The following COL10A1 variants were observed in gnomAD, a reference collection of about 807,000 sequenced individuals.
COL10A1 encodes collagen type X alpha 1 chain, also known as collagen alpha-1(X) chain.
A neutral mutation model predicts 18.2 loss-of-function variants in COL10A1; 10 were observed. The observed-to-expected ratio is 0.55, with a 90% CI of 0.34 to 0.93. The LOEUF (loss-of-function observed/expected upper bound fraction) is 0.93. Ranked by LOEUF, COL10A1 falls within the 40% of genes least tolerant of loss-of-function variation. The probability of loss-of-function intolerance (pLI) is 0.02; values close to 1 mark genes in which losing one functional copy is unlikely to be tolerated. For synonymous variants in COL10A1, 330 were observed against 316.6 expected (o/e 1.04, Z -0.45); for missense variants, 897 against 853.5 (o/e 1.05, Z -0.64).
At chr6:116,180,389 A>G in the COL10A1 span, among the ~76,000 whole-genome samples, 1 of 152,078 alleles carries the variant, frequency 6.6e-6, no homozygotes, top group Non-Finnish European at 1.5e-5. Context: ...TTAAAAAATG[A>G]AAATGGAATG....
chr6:116,136,791 C>CTG (rs1402962729), intron 1 of COL10A1, among the ~76,000 whole-genome samples: 1 of 152,164 alleles, frequency 6.6e-6, no homozygotes, highest in Admixed American at 6.6e-5. Flanking sequence ...GGTTTGGAAT[C>CTG]TGTTACTCAG....
At chr6:116,177,590 A>G in the COL10A1 span, among the ~76,000 whole-genome samples, 1 of 152,186 alleles carries the variant, frequency 6.6e-6, no homozygotes, top group East Asian at 1.9e-4. Flanking sequence ...TAAAATATTA[A>G]CAGTTGCATT....
chr6:116,203,239 C>T, the COL10A1 span, among the ~76,000 whole-genome samples: 98 of 151,922 alleles, frequency 6.5e-4, 2 homozygotes, highest in South Asian at 0.02. Context: ...TGTTTTTATT[C>T]TATTTCTTGG....
the COL10A1 span, among the ~76,000 whole-genome samples, chr6:116,191,178 G>C: frequency 4.0e-5 from 6 of 151,784 alleles, no homozygotes; most frequent in Non-Finnish European, 8.8e-5. Context: ...TCTGGAAGTC[G>C]ATATCCTAAA....
At chr6:116,150,742 C>A (rs1780019039) in intron 1 of COL10A1, among the ~76,000 whole-genome samples, 1 of 152,090 alleles carries the variant, frequency 6.6e-6, no homozygotes, top group Non-Finnish European at 1.5e-5. Flanking sequence ...GCTATTATTG[C>A]TGTCTGTCAT....
chr6:116,138,899 A>T (rs1779692683), intron 1 of COL10A1, among the ~76,000 whole-genome samples: 1 of 152,158 alleles, frequency 6.6e-6, no homozygotes, highest in South Asian at 2.1e-4. Flanking sequence ...ATTTCCCCAT[A>T]AATCTTGATT....
At chr6:116,138,447 T>TTGG (rs1287216844) in intron 1 of COL10A1, among the ~76,000 whole-genome samples, 1 of 152,206 alleles carries the variant, frequency 6.6e-6, no homozygotes, top group Non-Finnish European at 1.5e-5. Context: ...CCATCTCAAA[T>TTGG]TGGTGAACAC....
chr6:116,182,233 G>GTGTGTGTGTGTGTGTA, the COL10A1 span, among the ~76,000 whole-genome samples: 649 of 151,620 alleles, frequency 4.3e-3, 5 homozygotes, highest in African/African-American at 0.014. Flanking sequence ...GTGTGTGTGT[G>GTGTGTGTGTGTGTGTA]TGTGTGTGTG....
chr6:116,171,198 C>A, the COL10A1 span, among the ~76,000 whole-genome samples: 2 of 152,108 alleles, frequency 1.3e-5, no homozygotes, highest in Admixed American at 1.3e-4. Context: ...ATTATTGTCA[C>A]CACTACCTTT....
At chr6:116,142,409 A>G (rs1779790397) in intron 1 of COL10A1, among the ~76,000 whole-genome samples, 1 of 152,146 alleles carries the variant, frequency 6.6e-6, no homozygotes, top group Non-Finnish European at 1.5e-5. Context: ...TTCATTTTTT[A>G]CATTTAATTA....
chr6:116,131,999 A>G (rs1779479052), intron 1 of COL10A1, among the ~76,000 whole-genome samples: 3 of 152,192 alleles, frequency 2.0e-5, no homozygotes. Flanking sequence ...TGCAAAGGAC[A>G]TTATCTTATT....
At chr6:116,203,378 C>G in the COL10A1 span, among the ~76,000 whole-genome samples, 1 of 151,924 alleles carries the variant, frequency 6.6e-6, no homozygotes, top group Non-Finnish European at 1.5e-5. Context: ...TCTTCATGCT[C>G]CCTTCTAGCC....
intron 1 of COL10A1, among the ~76,000 whole-genome samples, chr6:116,147,495 A>T (rs7764926): frequency 2.9e-3 from 445 of 152,208 alleles, no homozygotes; most frequent in African/African-American, 0.01. Context: ...AAAAATTTCC[A>T]ACTCATGTAA....
chr6:116,171,269 C>T, the COL10A1 span, among the ~76,000 whole-genome samples: 6,161 of 151,986 alleles, frequency 0.041, 191 homozygotes, highest in African/African-American at 0.083. Flanking sequence ...TATTATTTTA[C>T]GAAGAATACA....
At chr6:116,167,198 A>G in the COL10A1 span, among the ~76,000 whole-genome samples, 1 of 150,418 alleles carries the variant, frequency 6.6e-6, no homozygotes, top group Admixed American at 6.7e-5. Flanking sequence ...AATTAGTTCA[A>G]ATAGAAGATT....
the COL10A1 span, among the ~76,000 whole-genome samples, chr6:116,192,605 A>G: frequency 4.6e-5 from 7 of 152,110 alleles, no homozygotes. Flanking sequence ...ATCTTAAAGT[A>G]CATTAAGGAA....
chr6:116,121,277 G>T lies in COL10A1; in HGVS notation c.839C>A (p.Thr280Lys), dbSNP rs370578053. The T allele has an allele frequency of 1.9e-6, 3 of 1,613,834 alleles. No individual in the cohort carries two copies. The Admixed American group carries it at 5.0e-5, about 27-fold the overall frequency. Reference sequence around the variant, plus strand: ...TCCTGGAGCCCCAGGGAGACCTTTTGTTCCTGGAATCCCTGGCTGGCCTGG... The same window carrying T: ...TCCTGGAGCCCCAGGGAGACCTTTTTTTCCTGGAATCCCTGGCTGGCCTGG... ...GAPGQPGIPG[T>K]KGLPGAPGIA... Residue 280 changes from threonine (T) to lysine (K), a missense_variant, in exon 3 of 3, where the codon ACA becomes AAA. Physicochemically the swap from Thr to Lys is moderately conservative, Grantham distance 78. Coordinates refer to ENST00000651968, the MANE Select transcript of COL10A1 (RefSeq NM_000493.4).
chr6:116,121,011 G>A lies in COL10A1; in HGVS notation c.1105C>T (p.Pro369Ser), dbSNP rs1364895078. The A allele has an allele frequency of 1.2e-6, 2 of 1,613,818 alleles. No individual in the cohort carries two copies. Among genetic ancestry groups the A allele is most frequent in the Non-Finnish European group, 1.7e-6 (2 of 1,179,856 alleles). ...CCCTTAGCCCCAGGGTATCCTGCAG[G>A]CCCAGCTGGCCCTGTCTCACCTTTA... is the stretch of plus-strand genomic sequence containing the variant. ...GPKGETGPAG[P>S]AGYPGAKGER... Residue 369 changes from proline to serine, a missense_variant, in exon 3 of 3, where the codon CCT becomes TCT. Coordinates refer to ENST00000651968, the MANE Select transcript of COL10A1 (RefSeq NM_000493.4).
the COL10A1 span, among the ~76,000 whole-genome samples, chr6:116,216,160 T>C: frequency 6.6e-6 from 1 of 152,034 alleles, no homozygotes; most frequent in South Asian, 2.1e-4. Flanking sequence ...TTAAGATAAT[T>C]GGCAACAGTT....
Sources: gnomAD v4.1 joint callset for allele counts (sites outside exome capture counted in the v4.1 genomes callset) on GRCh38, gnomAD v4.1.1 for gene constraint, MANE v1.5 for transcripts, NCBI Gene and HGNC (gene_info 2026-07-23, HGNC 2026-07-21) for gene names.